Variants in CDH4 observed in about 807,000 individuals in gnomAD.
The protein encoded by CDH4 is cadherin 4, also known as cadherin-4.
CDH4 carries 33 observed loss-of-function variants against 86.0 expected under a neutral mutation model. The observed-to-expected ratio is 0.38, with a 90% CI of 0.29 to 0.51. The LOEUF is 0.51. CDH4 is among the 20% of genes least tolerant of loss of function. The probability of loss-of-function intolerance (pLI) is 0.86; values close to 1 mark genes in which losing one functional copy is unlikely to be tolerated. For synonymous variants in CDH4, 555 were observed against 549.4 expected (o/e 1.01, Z -0.14); for missense variants, 1,114 against 1,307.4 (o/e 0.85, Z 2.28).
chr20:61,616,581 A>G (rs1375864725), intron 2 of CDH4, among the ~76,000 whole-genome samples: 2 of 152,216 alleles, frequency 1.3e-5, no homozygotes, highest in Admixed American at 1.3e-4. Flanking sequence ...TACTGGTAGC[A>G]TCTGAGCATT....
Position 61,709,253 on chromosome 20 carries a change from A to T in CDH4, c.170-34310A>T, listed in dbSNP as rs886068449. Among the ~76,000 whole-genome samples the T allele has an allele frequency of 8.5e-5, 13 of 152,160 alleles. No homozygotes were observed. The highest frequency in any genetic ancestry group is 1.6e-4 in the Non-Finnish European group (11 of 68,036). ...TGCTGTCCACAAATTTAATCAAGAC[A>T]GCTGTCAGCAAAAGTCAGACTTATT... On this transcript the variant is annotated intron_variant, in intron 2 of 15. Transcript: ENST00000614565. The surrounding 1 kb of genome is among the most constrained non-coding windows in gnomAD (Gnocchi z 4.8).
chr20:61,480,139 C>T lies in CDH4; in HGVS notation c.169+225202C>T, dbSNP rs1313629278. ...TTTTAATGTTCTTGGCTAATTCTGT[C>T]ATCCTGATATATTTTATTGATTGCT... is the stretch of plus-strand genomic sequence containing the variant. On this transcript the variant is annotated intron_variant, in intron 2 of 15. Transcript: ENST00000614565. This position sits in a 1 kb window ranked among gnomAD's most constrained non-coding sequence, Gnocchi z 5.2. 6.6e-6 allele frequency among the ~76,000 whole-genome samples: 1 copy of T among 152,040 alleles called. No individual in the cohort carries two copies. The highest frequency in any genetic ancestry group is 6.5e-5 in the Admixed American group (1 of 15,272).
intron 9 of CDH4, among the ~76,000 whole-genome samples, chr20:61,917,644 G>T (rs1437503353): frequency 6.6e-6 from 1 of 152,222 alleles, no homozygotes; most frequent in Non-Finnish European, 1.5e-5. Context: ...TCCCCACCTG[G>T]TCCTGCCCAC....
At chr20:61,409,522 C>T (rs1028732402) in intron 2 of CDH4, among the ~76,000 whole-genome samples, 3 of 152,330 alleles carry the variant, frequency 2.0e-5, no homozygotes, top group African/African-American at 4.8e-5. Context: ...CACCCGGGGC[C>T]GCCTGGGCAG....
chr20:61,687,144 G>A (rs1261907251), intron 2 of CDH4, among the ~76,000 whole-genome samples: 2 of 152,210 alleles, frequency 1.3e-5, no homozygotes, highest in Admixed American at 6.5e-5. Context: ...ACTGAAGTGC[G>A]TGTTCGGTGT....
At chr20:61,783,144 C>T (rs921044017) in intron 4 of CDH4, among the ~76,000 whole-genome samples, 2 of 152,156 alleles carry the variant, frequency 1.3e-5, no homozygotes, top group Non-Finnish European at 2.9e-5. Flanking sequence ...CAGATTGTCC[C>T]GTTTATTAGC....
intron 2 of CDH4, among the ~76,000 whole-genome samples, chr20:61,288,696 C>T (rs918106915): frequency 2.0e-5 from 3 of 152,226 alleles, no homozygotes; most frequent in Admixed American, 6.5e-5. Context: ...TGGGCTGCCG[C>T]GGCCGGCTCC....
At chr20:61,479,562 A>G (rs906013874) in intron 2 of CDH4, among the ~76,000 whole-genome samples, 1 of 152,224 alleles carries the variant, frequency 6.6e-6, no homozygotes. Context: ...CAAATGTCCA[A>G]CAATGATAGA....
chr20:61,545,448 C>T (rs756534939), intron 2 of CDH4, among the ~76,000 whole-genome samples: 10 of 152,214 alleles, frequency 6.6e-5, no homozygotes, highest in Non-Finnish European at 1.0e-4. Flanking sequence ...ACGCTGACCC[C>T]GGCGCTCCCC....
chr20:61,713,747 C>T (rs146295134), intron 2 of CDH4, among the ~76,000 whole-genome samples: 11 of 152,296 alleles, frequency 7.2e-5, no homozygotes, highest in Non-Finnish European at 1.2e-4. Flanking sequence ...CCCCATGGGC[C>T]GCAGCACCAC....
At chr20:61,830,888 G>A (rs956838863) in intron 4 of CDH4, among the ~76,000 whole-genome samples, 5 of 152,224 alleles carry the variant, frequency 3.3e-5, no homozygotes, top group South Asian at 2.1e-4. Context: ...CTCTCCTGAT[G>A]CCCTGTTTGT....
At chr20:61,781,709 T>C (rs1978554984) in intron 4 of CDH4, among the ~76,000 whole-genome samples, 1 of 152,024 alleles carries the variant, frequency 6.6e-6, no homozygotes, top group Admixed American at 6.6e-5. Context: ...CTCAAAGAAA[T>C]AATGATTGAG....
At chr20:61,327,716 C>T (rs2084544269) in intron 2 of CDH4, among the ~76,000 whole-genome samples, 1 of 152,032 alleles carries the variant, frequency 6.6e-6, no homozygotes, top group Admixed American at 6.6e-5. Flanking sequence ...ACCCTTTGAC[C>T]CAATAATTCC....
chr20:61,280,865 G>A (rs761515631), intron 2 of CDH4, among the ~76,000 whole-genome samples: 3 of 152,148 alleles, frequency 2.0e-5, no homozygotes, highest in Admixed American at 6.5e-5. Flanking sequence ...CTGTTCCCCC[G>A]AGTGAAGGAG....
chr20:61,638,965 C>T (rs768378102), intron 2 of CDH4, among the ~76,000 whole-genome samples: 5 of 152,152 alleles, frequency 3.3e-5, no homozygotes, highest in Admixed American at 6.5e-5. Context: ...GTTGTGATAA[C>T]GGAATGAATG....
chr20:61,696,909 C>T (rs1314244476), intron 2 of CDH4, among the ~76,000 whole-genome samples: 3 of 152,134 alleles, frequency 2.0e-5, no homozygotes, highest in Non-Finnish European at 2.9e-5. Context: ...GAGAGACGCA[C>T]AGAATGCAGT....
At chr20:61,435,266 C>G (rs1490500205) in intron 2 of CDH4, among the ~76,000 whole-genome samples, 1 of 152,226 alleles carries the variant, frequency 6.6e-6, no homozygotes, top group East Asian at 1.9e-4. Context: ...TTACTGGGAC[C>G]ATTTTACAGA....
intron 2 of CDH4, chr20:61,599,662 GAC>G (rs1406819271): frequency 4.4e-6 from 1 of 224,986 alleles, no homozygotes; most frequent in African/African-American, 2.3e-5. Flanking sequence ...CCCAGTGAAA[GAC>G]ACAGAGTGGA....
intron 2 of CDH4, among the ~76,000 whole-genome samples, chr20:61,300,359 C>T (rs758343074): frequency 9.2e-5 from 14 of 152,086 alleles, no homozygotes; most frequent in Non-Finnish European, 1.9e-4. Flanking sequence ...GTGGAGGCTC[C>T]GAGCCCTCAG....
Sources: gnomAD v4.1 joint callset for allele counts (sites outside exome capture counted in the v4.1 genomes callset) on GRCh38, gnomAD v4.1.1 for gene constraint, Gnocchi (gnomAD v3.1) non-coding constraint, MANE v1.5 for transcripts, NCBI Gene and HGNC (gene_info 2026-07-23, HGNC 2026-07-21) for gene names.